PRTG: variants seen among roughly 807,000 people sequenced by gnomAD.
The protein encoded by PRTG is immunoglobulin superfamily, DCC subclass, member 5.
Under a neutral mutation model 122.5 loss-of-function variants are expected in PRTG, and 67 were observed. The ratio of observed to expected loss-of-function variants is 0.55; its 90% CI spans 0.45 to 0.67. The LOEUF is 0.67. Among genes scored for constraint, PRTG ranks in the 30% least tolerant of loss-of-function variants. The probability of loss-of-function intolerance (pLI) is 0.00; values close to 1 mark genes in which losing one functional copy is unlikely to be tolerated. For synonymous variants in PRTG, 554 were observed against 501.1 expected (o/e 1.11, Z -1.41); for missense variants, 1,435 against 1,415.4 (o/e 1.01, Z -0.22).
rs1031920485 is a variant in PRTG at position 55,612,850 on chromosome 15, C to A, written c.*7162G>T. 3.3e-5 allele frequency: 5 copies of A among 151,200 alleles called. No homozygotes were observed. Among genetic ancestry groups the A allele is most frequent in the Non-Finnish European group, 7.4e-5 (5 of 67,816 alleles). 9.4% of individuals were successfully genotyped at this position (151,200 alleles called of 1,614,324 possible). On this transcript the variant is annotated 3_prime_UTR_variant, in exon 20 of 20. Transcript: ENST00000389286. ...TTATCCACCTAACATATGAGTGTTTCCATTTCAGCTATATCTTTTACCAAC... is the reference window on the plus strand; with the variant it reads ...TTATCCACCTAACATATGAGTGTTTACATTTCAGCTATATCTTTTACCAAC...
intron 11 of PRTG, among the ~76,000 whole-genome samples, chr15:55,651,773 C>T (rs145843742): frequency 2.0e-5 from 3 of 152,268 alleles, no homozygotes; most frequent in Non-Finnish European, 2.9e-5. Context: ...TCAGAGCAAG[C>T]AGGTCGGGGT....
chr15:55,680,103 G>C lies in PRTG; in HGVS notation c.924C>G (p.Thr308=), dbSNP rs1371852795. Residue 308 remains threonine (T), a synonymous_variant, in exon 6 of 20, where the codon ACC becomes ACG. Coordinates refer to ENST00000389286, the MANE Select transcript of PRTG (RefSeq NM_173814.6). ...CAACTGTAAAGTTGCGTGTGCCAGG[G>C]GTAGTGGCCCGACAAACATATACTC... is the stretch of plus-strand genomic sequence containing the variant. The part of the protein sequence containing the change: ...HAGVYVCRAT[T]PGTRNFTVAM... The C allele has an allele frequency of 1.9e-6, 3 of 1,613,514 alleles. No homozygotes were observed. The highest frequency in any genetic ancestry group is 1.1e-5 in the South Asian group (1 of 91,058).
In PRTG at chr15:55,628,823, T is replaced by G. The variant is rs2059209891; in HGVS notation, c.2805A>C (p.Lys935Asn). 4 of 1,612,238 alleles carry G rather than the reference T, an allele frequency of 2.5e-6. No homozygotes were observed. Among genetic ancestry groups the G allele is most frequent in the African/African-American group, 1.3e-5 (1 of 74,838 alleles). The stretch of plus-strand genomic sequence containing the variant: ...CAGTGACTACGGCAGTATACAGACC[T>G]TTGGCATCAGCAGAATCTAAACGCT... Reference protein sequence around the residue: ...RPKRLDSADAKVYSGYYHLDQ... With the variant: ...RPKRLDSADANVYSGYYHLDQ... Residue 935 changes from lysine to asparagine, a missense_variant and splice_region_variant, in exon 16 of 20, where the codon AAA (lysine) becomes AAC (asparagine). Physicochemically the swap from Lys to Asn is moderately conservative, Grantham distance 94. Transcript: ENST00000389286.
intron 2 of PRTG, among the ~76,000 whole-genome samples, chr15:55,715,684 G>A (rs1367961262): frequency 6.6e-6 from 1 of 152,180 alleles, no homozygotes; most frequent in Non-Finnish European, 1.5e-5. Flanking sequence ...AGTACTGGAA[G>A]TCCAAACTAG....
chr15:55,625,022 G>C (rs544772146), intron 17 of PRTG, among the ~76,000 whole-genome samples: 2 of 152,284 alleles, frequency 1.3e-5, no homozygotes, highest in Admixed American at 1.3e-4. Context: ...ATAATGTTTT[G>C]AGTAGTATGT....
intron 1 of PRTG, 101 bp from the exon 2 acceptor site, chr15:55,740,785 G>A (rs2031585093): frequency 3.0e-6 from 3 of 985,796 alleles, no homozygotes; most frequent in Non-Finnish European, 4.4e-6. Flanking sequence ...ATGAGATGAC[G>A]AAGTTTAATA....
intron 13 of PRTG, among the ~76,000 whole-genome samples, chr15:55,639,256 C>T (rs903648239): frequency 6.6e-6 from 1 of 152,070 alleles, no homozygotes; most frequent in East Asian, 1.9e-4. Flanking sequence ...TTTAGAGCAC[C>T]GTGATGGGCA....
intron 12 of PRTG, 81 bp downstream of exon 12, chr15:55,641,032 G>A: frequency 1.1e-6 from 1 of 945,676 alleles, no homozygotes; most frequent in African/African-American, 1.6e-5. Context: ...CCAAGTAGTA[G>A]TGAGACTGTA....
At chr15:55,644,928 T>C (rs2059312197) in intron 11 of PRTG, among the ~76,000 whole-genome samples, 1 of 152,176 alleles carries the variant, frequency 6.6e-6, no homozygotes, top group South Asian at 2.1e-4. Flanking sequence ...CTGTGAACCA[T>C]TTTTAAAACT....
intron 2 of PRTG, among the ~76,000 whole-genome samples, chr15:55,694,541 A>G (rs1050996068): frequency 6.6e-6 from 1 of 152,152 alleles, no homozygotes; most frequent in Non-Finnish European, 1.5e-5. Flanking sequence ...ATTATATAAT[A>G]TTTTATATCA....
intron 15 of PRTG, among the ~76,000 whole-genome samples, chr15:55,634,242 T>A (rs962309342): frequency 4.0e-5 from 6 of 151,882 alleles, no homozygotes; most frequent in African/African-American, 1.4e-4. Flanking sequence ...TAATTTTTTA[T>A]ATTTTTAGTA....
chr15:55,649,661 C>A (rs2059343003), intron 11 of PRTG, among the ~76,000 whole-genome samples: 2 of 151,846 alleles, frequency 1.3e-5, no homozygotes, highest in Admixed American at 1.3e-4. Context: ...GGTGAGCACA[C>A]AAAGAAAGTA....
chr15:55,725,986 G>A (rs1355038123), intron 2 of PRTG, among the ~76,000 whole-genome samples: 1 of 151,912 alleles, frequency 6.6e-6, no homozygotes, highest in East Asian at 1.9e-4. Flanking sequence ...ACTCTGTTGC[G>A]AGGCTGGAGT....
intron 11 of PRTG, among the ~76,000 whole-genome samples, chr15:55,664,786 C>T (rs1462273419): frequency 6.6e-6 from 1 of 151,844 alleles, no homozygotes; most frequent in African/African-American, 2.4e-5. Context: ...GGAGTCTCAC[C>T]ATCTTGCCCA....
intron 2 of PRTG, 97 bp downstream of exon 2, chr15:55,740,285 T>C (rs770362949): frequency 1.7e-5 from 20 of 1,146,386 alleles, no homozygotes; most frequent in South Asian, 4.8e-5. Context: ...AAATTCTTAA[T>C]GCATGCATGA....
In PRTG at chr15:55,698,715, C is replaced by T. The variant is rs141343077; in HGVS notation, c.398-14784G>A. On this transcript the variant is annotated intron_variant, in intron 2 of 19. Coordinates refer to ENST00000389286, the MANE Select transcript of PRTG (RefSeq NM_173814.6). ...TTTTACCTTTAGAGAAGAAATGATG[C>T]TCATAAGTTTCATTTAAAAACAATG... Among the ~76,000 whole-genome samples, 155 of 152,204 alleles carry T rather than the reference C, an allele frequency of 1.0e-3. 1 individual carries two copies. Among genetic ancestry groups the T allele is most frequent in the Middle Eastern group, 3.4e-3 (1 of 294 alleles).
intron 11 of PRTG, among the ~76,000 whole-genome samples, chr15:55,663,714 G>A (rs1411653464): frequency 6.6e-6 from 1 of 151,880 alleles, no homozygotes; most frequent in Non-Finnish European, 1.5e-5. Flanking sequence ...GCTAATTTTT[G>A]TATTTTTAGT....
chr15:55,644,978 A>G (rs930747961), intron 11 of PRTG, among the ~76,000 whole-genome samples: 2 of 152,156 alleles, frequency 1.3e-5, no homozygotes, highest in Admixed American at 1.3e-4. Flanking sequence ...GCAGCGGACA[A>G]TGTGGATTTA....
At chr15:55,628,632 A>G (rs1414177104) in intron 16 of PRTG, among the ~76,000 whole-genome samples, 190 bp downstream of exon 16, 6 of 152,186 alleles carry the variant, frequency 3.9e-5, no homozygotes, top group Non-Finnish European at 8.8e-5. Context: ...TGATTCTGAG[A>G]TAATTTTGCC....
Sources: gnomAD v4.1 joint callset for allele counts (sites outside exome capture counted in the v4.1 genomes callset) on GRCh38, gnomAD v4.1.1 for gene constraint, MANE v1.5 for transcripts, NCBI Gene and HGNC (gene_info 2026-07-23, HGNC 2026-07-21) for gene names.